The following MST1 variants were observed in gnomAD, a reference collection of about 807,000 sequenced individuals.
MST1 encodes the protein macrophage stimulating 1.
In MST1, 76 loss-of-function variants were observed where a neutral mutation model predicts 100.1. The observed-to-expected ratio is 0.76, with a 90% CI of 0.63 to 0.92. MST1 has a LOEUF of 0.92. Among genes scored for constraint, MST1 ranks in the 40% least tolerant of loss-of-function variants. The pLI is 0.00. For synonymous variants in MST1, 352 were observed against 385.4 expected, an observed-to-expected ratio of 0.91 and a Z score of 1.01; for missense variants, 850 against 990.0, an observed-to-expected ratio of 0.86 and a Z score of 1.90.
rs769378535 is a variant in MST1 at position 49,684,927 on chromosome 3, A to G, written c.1623-43T>C. The stretch of plus-strand genomic sequence containing the variant: ...CTAGGTCATTTGTGACTCTCAGTCC[A>G]TTGCCCCAAGGCTCACTTGTTAGCT... On this transcript the variant is annotated intron_variant, in intron 14 of 17. Coordinates refer to ENST00000449682, the MANE Select transcript of MST1 (RefSeq NM_020998.4). 5.0e-6 allele frequency: 8 copies of G among 1,613,432 alleles called. No individual in the cohort carries two copies. The Admixed American group carries it at 5.0e-5, about 10-fold the overall frequency.
chr3:49,688,860 T>TG lies in MST1; in HGVS notation c.-170dup. The TG allele has an allele frequency of 1.9e-6, 1 of 533,006 alleles. No homozygotes were observed. The allele number at this position is 533,006 out of a possible 1,614,324, so 33.0% of individuals were successfully genotyped here. A position where few individuals can be genotyped will look rare whatever the true frequency, so the allele number is the denominator to read the frequency against. ...GGCCTAGTACAGCTTAGTGGACAGG[T>TG]GTTAGGAAGGTTTGGTGGGGACACT... On this transcript the variant is annotated 5_prime_UTR_variant, in exon 1 of 18. Transcript: ENST00000449682.
intron 13 of MST1, 33 bp downstream of exon 13, chr3:49,685,229 C>A: frequency 6.2e-7 from 1 of 1,611,922 alleles, no homozygotes; most frequent in African/African-American, 1.3e-5. Flanking sequence ...AACCTCAGCT[C>A]CTCTCTGTGG....
rs747477010 is a variant in MST1, at chr3:49,685,472, TG to T, written c.1421del (p.Pro474GlnfsTer52). 11 of 1,613,576 alleles carry T rather than the reference TG, an allele frequency of 6.8e-6. No individual in the cohort carries two copies. In the Admixed American group the frequency reaches 1.5e-4, roughly 22 times the overall value. ...CCCATAACTGGCCCAACTCCTAACC[TG>T]GGGGGTCCAGGATTGATGGCGGCTG... The part of the protein sequence containing the change: ...DDQPPSILDP[P>X]DQVQFEKCGK... On this transcript the variant is annotated frameshift_variant and splice_region_variant, in exon 12 of 18. Transcript: ENST00000449682. LOFTEE classifies it high-confidence loss of function.
intron 14 of MST1, 54 bp downstream of exon 14, chr3:49,684,957 TG>T: frequency 6.2e-7 from 1 of 1,612,990 alleles, no homozygotes; most frequent in South Asian, 1.1e-5. Context: ...TTAGCTTGCC[TG>T]GGGAAGGGGG....
Position 49,684,151 on chromosome 3 carries a change from GT to G in MST1, c.2054del (p.Asn685ThrfsTer9), listed in dbSNP as rs2053486417. ...TTATAATTCCTTCCAGGACCCAGCA[GT>G]TGTGGGTAAAGCAGGCAAGTGGGCC... The part of the protein sequence containing the change: ...YGGPLACFTH[N>X]CWVLEGIIIP... On this transcript the variant is annotated frameshift_variant, in exon 18 of 18. Transcript: ENST00000449682. LOFTEE classifies it high-confidence loss of function. 6.2e-7 allele frequency: 1 copy of G among 1,613,292 alleles called. No homozygotes were observed.
chr3:49,688,498 C>A (rs2053995293), intron 1 of MST1, 100 bp downstream of exon 1: 2 of 1,273,848 alleles, frequency 1.6e-6, no homozygotes, highest in African/African-American at 1.4e-5. Context: ...CCCATGCCCA[C>A]TGAGCCTCTG....
chr3:49,687,855 G>T lies in MST1; in HGVS notation c.137C>A (p.Thr46Lys). ...PLNDFQVLRGTELQHLLHAVV... is the reference protein window; with the variant it reads ...PLNDFQVLRGKELQHLLHAVV... ...CGCATGTAGCAGGTGCTGTAGCTCTGTGCCCCGGAGCACTTGGAAGTCATT... is the reference window on the plus strand; with the variant it reads ...CGCATGTAGCAGGTGCTGTAGCTCTTTGCCCCGGAGCACTTGGAAGTCATT... Residue 46 changes from threonine to lysine, a missense_variant, in exon 2 of 18, where the codon ACA (threonine) becomes AAA (lysine). By Grantham distance (78) the Thr-to-Lys change is moderately conservative. This residue lies in a region of MST1 where 34 missense variants were observed against 65.5 expected (regional missense o/e 0.52). Transcript: ENST00000449682. 1.2e-6 allele frequency: 2 copies of T among 1,613,550 alleles called. No individual in the cohort carries two copies. Among genetic ancestry groups the T allele is most frequent in the Non-Finnish European group, 1.7e-6 (2 of 1,179,866 alleles).
chr3:49,687,828 A>T lies in MST1; in HGVS notation c.164T>A (p.Val55Glu). Reference sequence around the variant, plus strand: ...ATCCTCCTGCCAAGGCCCGGGCACCACCGCATGTAGCAGGTGCTGTAGCTC... The same window carrying T: ...ATCCTCCTGCCAAGGCCCGGGCACCTCCGCATGTAGCAGGTGCTGTAGCTC... ...GTELQHLLHA[V>E]VPGPWQEDVA... is the part of the protein sequence containing the mutation. Residue 55 changes from valine (V) to glutamate (E), a missense_variant, in exon 2 of 18, where the codon GTG becomes GAG. Physicochemically the swap from Val to Glu is moderately radical, Grantham distance 121 (BLOSUM62 -2). Coordinates refer to ENST00000449682, the MANE Select transcript of MST1 (RefSeq NM_020998.4). The T allele has an allele frequency of 6.2e-7, 1 of 1,613,606 alleles. No homozygotes were observed. The highest frequency in any genetic ancestry group is 1.1e-5 in the South Asian group (1 of 91,072).
rs1322837777 is a variant in MST1, at chr3:49,684,650, C to A, written c.1776G>T (p.Val592=). The A allele has an allele frequency of 1.9e-6, 3 of 1,613,526 alleles. No individual in the cohort carries two copies. The East Asian group carries it at 6.7e-5, about 36-fold the overall frequency. ...TCAGGGCCACACGCTGGTTCAGGGT[C>A]ACAGATCTTTAGCAAGAATGGGGGC... ...QLVLLKLERS[V]TLNQRVALIC... The change falls in exon 16 of 18, where the codon GTG becomes GTT. Residue 592 remains valine, a synonymous_variant. Coordinates refer to ENST00000449682, the MANE Select transcript of MST1 (RefSeq NM_020998.4).
chr3:49,686,348 A>T lies in MST1; in HGVS notation c.981T>A (p.His327Gln), dbSNP rs752376735. The T allele has an allele frequency of 6.5e-6, 10 of 1,534,036 alleles. No homozygotes were observed. The highest frequency in any genetic ancestry group is 2.1e-4 in the Middle Eastern group (1 of 4,866). The change falls in exon 8 of 18, where the codon CAT becomes CAA. Residue 327 changes from histidine to glutamine, a missense_variant. His to Gln is a conservative substitution (Grantham distance 24). Transcript: ENST00000449682. ...PCQRWDAQIP[H>Q]QHRFTPEKYA... ...ATTTTTCTGGCGTAAATCGGTGCTG[A>T]TGCGGGATTTGCGCGTCCCAACGCT...
intron 9 of MST1, 35 bp downstream of exon 9, chr3:49,686,027 A>T (rs764549873): frequency 1.0e-5 from 16 of 1,605,364 alleles, no homozygotes; most frequent in Non-Finnish European, 1.4e-5. Flanking sequence ...CCAGGCTTCC[A>T]GCCCGGCTCT....
Position 49,684,877 on chromosome 3 carries a change from G to T in MST1, c.1630C>A (p.Pro544Thr), listed in dbSNP as rs767394099. 1 of 1,613,490 alleles carries T rather than the reference G, an allele frequency of 6.2e-7. No homozygotes were observed. The highest frequency in any genetic ancestry group is 8.5e-7 in the Non-Finnish European group (1 of 1,179,772). Residue 544 changes from proline (P) to threonine (T), a missense_variant, in exon 15 of 18, where the codon CCT becomes ACT. Around this residue, in one of 2 missense-constraint regions of MST1, gnomAD observed 816 missense variants for 924.6 expected, o/e 0.88. Transcript: ENST00000449682. ...AACCATACCTCATAGCCCGTGAGAG[G>T]CATATGGCTGGGAGAGAAGCTCTGC... ...ARQCFSSCHM[P>T]LTGYEVWLGT...
At position 49,687,483 on chromosome 3, in the gene MST1, G is replaced by C; in HGVS notation, c.356-5C>G. 2.5e-6 allele frequency: 4 copies of C among 1,613,494 alleles called. No individual in the cohort carries two copies. Among genetic ancestry groups the C allele is most frequent in the Non-Finnish European group, 3.4e-6 (4 of 1,179,870 alleles). On this transcript the variant is annotated splice_region_variant and splice_polypyrimidine_tract_variant and intron_variant, in intron 3 of 17. Transcript: ENST00000449682. Reference sequence around the variant, plus strand: ...TGATGCAGGTCCGTACGTAGTCTGGGAGCAAGAGACAGAAGATCAACTTGG... The same window carrying C: ...TGATGCAGGTCCGTACGTAGTCTGGCAGCAAGAGACAGAAGATCAACTTGG...
chr3:49,685,525 T>A lies in MST1; in HGVS notation c.1388-19A>T. 6.2e-7 allele frequency: 1 copy of A among 1,613,388 alleles called. No homozygotes were observed. The highest frequency in any genetic ancestry group is 8.5e-7 in the Non-Finnish European group (1 of 1,179,838). On this transcript the variant is annotated intron_variant, in intron 11 of 17. Transcript: ENST00000449682. ...TCATCAGCTGAAAGACAAAGTTCAC[T>A]GGGGTTAAGGGAGCCAGCCTTTGGG...
At chr3:49,685,815 C>T in intron 10 of MST1, 45 bp downstream of exon 10, 1 of 1,612,598 alleles carries the variant, frequency 6.2e-7, no homozygotes, top group Non-Finnish European at 8.5e-7. Flanking sequence ...AGCATGCCGC[C>T]CCAGGGTTAG....
At chr3:49,688,240 A>G in intron 1 of MST1, 4 of 476,722 alleles carry the variant, frequency 8.4e-6, no homozygotes, top group Admixed American at 3.7e-5. Flanking sequence ...GAGCCATCAC[A>G]TTACCCAGCC....
In MST1 at chr3:49,683,966, C is replaced by T; in HGVS notation, c.*62G>A. ...CATCTGTACAGGCATAAAGAGGAAACATGGCTTTATGTCTGACAAGAAGTT... is the reference window on the plus strand; with the variant it reads ...CATCTGTACAGGCATAAAGAGGAAATATGGCTTTATGTCTGACAAGAAGTT... On this transcript the variant is annotated 3_prime_UTR_variant, in exon 18 of 18. Coordinates refer to ENST00000449682, the MANE Select transcript of MST1 (RefSeq NM_020998.4). 6.3e-7 allele frequency: 1 copy of T among 1,578,806 alleles called. No individual in the cohort carries two copies. Among genetic ancestry groups the T allele is most frequent in the Non-Finnish European group, 8.6e-7 (1 of 1,163,250 alleles).
At position 49,687,421 on chromosome 3, in the gene MST1, G is replaced by A. The variant is rs369008658; in HGVS notation, c.413C>T (p.Thr138Met). ...NGVGYRGTMA[T>M]TVGGLPCQAW... ...CTGGCAGGGCAGGCCACCCACGGTC[G>A]TGGCCATGGTGCCCCGGTACCCAAC... The change falls in exon 4 of 18, where the codon ACG becomes ATG. Residue 138 changes from threonine (T) to methionine (M), a missense_variant. Physicochemically the swap from Thr to Met is moderately conservative, Grantham distance 81. Around this residue, in one of 2 missense-constraint regions of MST1, gnomAD observed 816 missense variants for 924.6 expected, o/e 0.88. Transcript: ENST00000449682. The A allele has an allele frequency of 1.1e-4, 177 of 1,613,294 alleles. No individual in the cohort carries two copies. Among genetic ancestry groups the A allele is most frequent in the Non-Finnish European group, 1.5e-4 (173 of 1,179,884 alleles).
intron 12 of MST1, 32 bp downstream of exon 12, chr3:49,685,439 G>T: frequency 6.2e-7 from 1 of 1,613,610 alleles, no homozygotes; most frequent in Non-Finnish European, 8.5e-7. Context: ...GTGGGCTAAA[G>T]GGCCTGACCC....
Sources: gnomAD v4.1 joint callset for allele counts on GRCh38, gnomAD v4.1.1 for gene constraint, gnomAD v4.1.1 regional missense constraint, MANE v1.5 for transcripts, NCBI Gene and HGNC (gene_info 2026-07-23, HGNC 2026-07-21) for gene names.